The following GABRA2 variants were observed in gnomAD, a reference collection of about 807,000 sequenced individuals.
GABRA2 encodes the protein gamma-aminobutyric acid type A receptor subunit alpha2.
Under a neutral mutation model 48.7 loss-of-function variants are expected in GABRA2, and 16 were observed. The observed-to-expected ratio is 0.33, with a 90% CI of 0.22 to 0.50. GABRA2 has a LOEUF of 0.50. Among genes scored for constraint, GABRA2 ranks in the 20% least tolerant of loss-of-function variants. The pLI is 0.98. For missense variants in GABRA2, 275 were observed against 535.6 expected, an observed-to-expected ratio of 0.51 and a Z score of 4.80; for synonymous variants, 185 against 184.5, an observed-to-expected ratio of 1.00 and a Z score of -0.02.
intron 5 of GABRA2, among the ~76,000 whole-genome samples, chr4:46,311,880 C>A (rs1384323828): frequency 6.6e-6 from 1 of 152,182 alleles, no homozygotes; most frequent in East Asian, 1.9e-4. Flanking sequence ...GGGTGGATCA[C>A]TTGAGGCCAG....
At chr4:46,265,536 T>A (rs1279062247) in intron 8 of GABRA2, among the ~76,000 whole-genome samples, 2 of 139,910 alleles carry the variant, frequency 1.4e-5, no homozygotes, top group Non-Finnish European at 3.0e-5. Flanking sequence ...ATGTCCCATC[T>A]TCTTTCCTGA....
At chr4:46,290,611 G>T (rs1193635872) in intron 8 of GABRA2, among the ~76,000 whole-genome samples, 1 of 151,868 alleles carries the variant, frequency 6.6e-6, no homozygotes, top group Non-Finnish European at 1.5e-5. Flanking sequence ...TTTGTGCATT[G>T]ATCTTGCATT....
intron 3 of GABRA2, among the ~76,000 whole-genome samples, chr4:46,357,332 A>T (rs988076360): frequency 6.6e-6 from 1 of 150,640 alleles, no homozygotes; most frequent in African/African-American, 2.4e-5. Context: ...CAGGAGGAGA[A>T]AAAAGGGTCT....
At chr4:46,350,440 T>C (rs1052798227) in intron 3 of GABRA2, among the ~76,000 whole-genome samples, 5 of 151,898 alleles carry the variant, frequency 3.3e-5, no homozygotes, top group African/African-American at 1.2e-4. Context: ...GTATGATATA[T>C]ATGTAGGTAT....
Position 46,275,826 on chromosome 4 carries a change from A to G in GABRA2, c.857-13698T>C, listed in dbSNP as rs535807675. Among the ~76,000 whole-genome samples, 8 of 152,266 alleles carry G rather than the reference A, an allele frequency of 5.3e-5. No homozygotes were observed. The East Asian group carries it at 1.2e-3, about 22-fold the overall frequency. On this transcript the variant is annotated intron_variant, in intron 8 of 9. Coordinates refer to ENST00000381620, the MANE Select transcript of GABRA2 (RefSeq NM_000807.4). ...AATAGTACATCATTAGAGAATTTTT[A>G]TCACAAAAATTCACCCAACTGGAAA... is the stretch of plus-strand genomic sequence containing the variant.
intron 5 of GABRA2, 106 bp downstream of exon 5, chr4:46,312,389 TA>T: frequency 1.4e-6 from 1 of 702,514 alleles, no homozygotes; most frequent in Non-Finnish European, 2.5e-6. Flanking sequence ...AATAATCTGT[TA>T]GAAAACACTC....
At chr4:46,381,761 A>G (rs1248025825) in intron 3 of GABRA2, among the ~76,000 whole-genome samples, 1 of 152,222 alleles carries the variant, frequency 6.6e-6, no homozygotes, top group Admixed American at 6.5e-5. Context: ...CAGTTAGTTC[A>G]TGGCAGAATC....
At chr4:46,321,689 G>C (rs1057019519) in intron 4 of GABRA2, among the ~76,000 whole-genome samples, 2 of 151,918 alleles carry the variant, frequency 1.3e-5, no homozygotes, top group Admixed American at 6.6e-5. Context: ...TACTTCCTAG[G>C]ACTCTTGTAA....
chr4:46,303,143 T>C, intron 8 of GABRA2: 2 of 267,974 alleles, frequency 7.5e-6, no homozygotes, highest in Non-Finnish European at 1.4e-5. Flanking sequence ...GAGCTATCAT[T>C]TTTTGAGCAA....
chr4:46,282,492 C>G (rs922469803), intron 8 of GABRA2, among the ~76,000 whole-genome samples: 3 of 152,134 alleles, frequency 2.0e-5, no homozygotes, highest in Admixed American at 6.6e-5. Context: ...ACAATTGAAA[C>G]AGCCTTTACT....
At chr4:46,263,182 A>G (rs1374812797) in intron 8 of GABRA2, among the ~76,000 whole-genome samples, 2 of 152,022 alleles carry the variant, frequency 1.3e-5, no homozygotes, top group Admixed American at 6.6e-5. Flanking sequence ...ATACAAAAAA[A>G]GTTGCTTTTT....
intron 8 of GABRA2, among the ~76,000 whole-genome samples, chr4:46,278,849 C>T (rs913652254): frequency 2.7e-5 from 4 of 150,712 alleles, no homozygotes; most frequent in Admixed American, 6.6e-5. Flanking sequence ...AGAGATTAGA[C>T]GATGGTGAGG....
At position 46,250,466 on chromosome 4, in the gene GABRA2, G is replaced by T. The variant is rs774384972; in HGVS notation, c.1198C>A (p.Pro400Thr). ...TTTGCTTCAGCTGGCTTGTTTTCTG[G>T]CTTCTTGTTGGGTTCTGGCGTGGTT... is the stretch of plus-strand genomic sequence containing the variant. ...SATTPEPNKKPENKPAEAKKT... is the reference protein window; with the variant it reads ...SATTPEPNKKTENKPAEAKKT... Residue 400 changes from proline to threonine, a missense_variant, in exon 10 of 10, where the codon CCA becomes ACA. By Grantham distance (38) the Pro-to-Thr change is conservative. Coordinates refer to ENST00000381620, the MANE Select transcript of GABRA2 (RefSeq NM_000807.4). 2 of 1,612,188 alleles carry T rather than the reference G, an allele frequency of 1.2e-6. No individual in the cohort carries two copies. The highest frequency in any genetic ancestry group is 1.7e-6 in the Non-Finnish European group (2 of 1,178,780).
chr4:46,340,923 CT>C (rs1035168380), intron 3 of GABRA2, among the ~76,000 whole-genome samples: 1 of 151,628 alleles, frequency 6.6e-6, no homozygotes, highest in African/African-American at 2.4e-5. Context: ...GTTTCTTCTT[CT>C]TTTTTTTCTT....
intron 3 of GABRA2, among the ~76,000 whole-genome samples, chr4:46,348,473 C>A (rs1342297846): frequency 6.6e-6 from 1 of 151,940 alleles, no homozygotes; most frequent in Non-Finnish European, 1.5e-5. Context: ...GACACATGCA[C>A]ACATATGTTT....
intron 8 of GABRA2, among the ~76,000 whole-genome samples, chr4:46,263,902 A>G (rs1284132235): frequency 1.4e-5 from 2 of 144,870 alleles, no homozygotes; most frequent in Non-Finnish European, 3.0e-5. Flanking sequence ...ATATATTTCC[A>G]TTAGATCAAT....
intron 8 of GABRA2, among the ~76,000 whole-genome samples, chr4:46,291,179 G>A (rs2109535333): frequency 6.6e-6 from 1 of 152,072 alleles, no homozygotes; most frequent in Admixed American, 6.5e-5. Context: ...AAAAATATTT[G>A]GTAGAATTAA....
intron 3 of GABRA2, chr4:46,367,087 C>G (rs1313977379): frequency 2.6e-5 from 4 of 152,082 alleles, no homozygotes; most frequent in African/African-American, 9.7e-5. Flanking sequence ...AATCCAGGTT[C>G]AACCCAATGG....
intron 3 of GABRA2, among the ~76,000 whole-genome samples, chr4:46,354,818 A>ACT (rs1373937119): frequency 2.6e-5 from 4 of 152,172 alleles, no homozygotes; most frequent in African/African-American, 9.6e-5. Context: ...AACTTCCCTC[A>ACT]CTTGTGGTGC....
Sources: allele counts gnomAD v4.1 joint callset (sites outside exome capture counted in the v4.1 genomes callset), GRCh38; gene constraint gnomAD v4.1.1; transcripts MANE v1.5; gene names NCBI Gene and HGNC (gene_info 2026-07-23, HGNC 2026-07-21).